Variants in ZNF385B observed in about 807,000 individuals in gnomAD.
The protein encoded by ZNF385B is zinc finger protein 533.
Under a neutral mutation model 39.2 loss-of-function variants are expected in ZNF385B, and 23 were observed. The ratio of observed to expected loss-of-function variants is 0.59; its 90% CI spans 0.42 to 0.83. The LOEUF is 0.83. ZNF385B is among the 40% of genes least tolerant of loss of function. ZNF385B has a pLI of 0.00. For missense variants in ZNF385B, 552 were observed against 598.9 expected (o/e 0.92, Z 0.82); for synonymous variants, 205 against 222.6 (o/e 0.92, Z 0.70).
At chr2:179,640,264 T>C (rs1692145612) in intron 3 of ZNF385B, among the ~76,000 whole-genome samples, 1 of 152,162 alleles carries the variant, frequency 6.6e-6, no homozygotes, top group Non-Finnish European at 1.5e-5. Context: ...GGCTATATAG[T>C]AGTACTCTAT....
intron 3 of ZNF385B, among the ~76,000 whole-genome samples, chr2:179,763,656 A>C (rs1703525827): frequency 1.3e-5 from 2 of 152,200 alleles, no homozygotes; most frequent in Admixed American, 6.5e-5. Context: ...CCAGCTCAGC[A>C]CTGCTTTAGC....
intron 1 of ZNF385B, among the ~76,000 whole-genome samples, chr2:179,832,674 A>C (rs555130744): frequency 1.3e-5 from 2 of 152,342 alleles, no homozygotes; most frequent in South Asian, 4.1e-4. Context: ...TCTTCAGGCT[A>C]ATGATTTAAA....
intron 5 of ZNF385B, among the ~76,000 whole-genome samples, chr2:179,494,656 A>G (rs554578845): frequency 6.8e-6 from 1 of 147,926 alleles, no homozygotes; most frequent in Non-Finnish European, 1.5e-5. Flanking sequence ...TTAAAAGTAT[A>G]AAAAAAAAAG....
chr2:179,534,028 C>T (rs1031513816), intron 4 of ZNF385B, among the ~76,000 whole-genome samples: 35 of 152,178 alleles, frequency 2.3e-4, no homozygotes, highest in Admixed American at 1.8e-3. Flanking sequence ...CCAATCCCTG[C>T]TCCAAATTCA....
intron 6 of ZNF385B, among the ~76,000 whole-genome samples, chr2:179,468,419 A>T (rs1393716569): frequency 2.6e-5 from 4 of 152,210 alleles, no homozygotes; most frequent in Non-Finnish European, 5.9e-5. Flanking sequence ...GATGTGAAAC[A>T]GTTATTTCTG....
intron 3 of ZNF385B, among the ~76,000 whole-genome samples, chr2:179,761,408 A>C (rs1703376695): frequency 6.6e-6 from 1 of 152,106 alleles, no homozygotes; most frequent in Non-Finnish European, 1.5e-5. Flanking sequence ...CCATTTATTT[A>C]GGTCTTCCAT....
At chr2:179,646,822 A>T (rs932030467) in intron 3 of ZNF385B, among the ~76,000 whole-genome samples, 7 of 152,208 alleles carry the variant, frequency 4.6e-5, no homozygotes, top group African/African-American at 1.4e-4. Context: ...AAATGGCAAG[A>T]GTGTCCTACT....
intron 3 of ZNF385B, among the ~76,000 whole-genome samples, chr2:179,739,563 T>C (rs368288703): frequency 1.4e-4 from 21 of 152,338 alleles, no homozygotes; most frequent in African/African-American, 4.3e-4. Context: ...AGTTTATTTT[T>C]ACTTCAGTTG....
intron 5 of ZNF385B, among the ~76,000 whole-genome samples, chr2:179,489,006 C>T (rs2054917869): frequency 6.6e-6 from 1 of 152,082 alleles, no homozygotes; most frequent in Middle Eastern, 3.4e-3. Flanking sequence ...AAGCAGAAGG[C>T]AGAATTATAA....
intron 5 of ZNF385B, among the ~76,000 whole-genome samples, chr2:179,505,426 C>A (rs2057167014): frequency 6.6e-6 from 1 of 152,024 alleles, no homozygotes; most frequent in Non-Finnish European, 1.5e-5. Flanking sequence ...GTGAATCTAG[C>A]CTTTTCCATT....
chr2:179,687,212 G>A (rs1406193834), intron 3 of ZNF385B, among the ~76,000 whole-genome samples: 1 of 150,752 alleles, frequency 6.6e-6, no homozygotes, highest in Non-Finnish European at 1.5e-5. Flanking sequence ...CACACAACTG[G>A]GAAACTCTCC....
chr2:179,570,450 C>T (rs55680850), intron 3 of ZNF385B, among the ~76,000 whole-genome samples: 21,580 of 152,102 alleles, frequency 0.14, 1,593 homozygotes, highest in Non-Finnish European at 0.16. Flanking sequence ...TTTGCTTTTA[C>T]CATTTAATAG....
intron 6 of ZNF385B, among the ~76,000 whole-genome samples, chr2:179,450,003 A>G (rs1387635800): frequency 6.6e-6 from 1 of 152,158 alleles, no homozygotes; most frequent in Non-Finnish European, 1.5e-5. Context: ...AAATGGGGAA[A>G]TGATTCCCTA....
At chr2:179,659,987 G>A (rs566541412) in intron 3 of ZNF385B, 11 of 152,604 alleles carry the variant, frequency 7.2e-5, no homozygotes, top group African/African-American at 2.7e-4. Flanking sequence ...TATGAAATCT[G>A]TATAACTCTG....
intron 1 of ZNF385B, among the ~76,000 whole-genome samples, chr2:179,772,169 A>G (rs1406654608): frequency 6.6e-6 from 1 of 152,202 alleles, no homozygotes; most frequent in Non-Finnish European, 1.5e-5. Flanking sequence ...CCTGGAAATT[A>G]TTCTACTTTT....
In ZNF385B at chr2:179,478,730, G is replaced by A. The variant is rs573540302; in HGVS notation, c.715+4542C>T. 5.9e-5 allele frequency among the ~76,000 whole-genome samples: 9 copies of A among 152,188 alleles called. No individual in the cohort carries two copies. In the East Asian group the frequency reaches 7.7e-4, roughly 13 times the overall value. ...TTAATTTTTTTAAAAAATCCAATGC[G>A]AAAGCCCAGACATATGGACTATTAG... On this transcript the variant is annotated intron_variant, in intron 6 of 9. Coordinates refer to ENST00000410066, the MANE Select transcript of ZNF385B (RefSeq NM_152520.6).
intron 3 of ZNF385B, among the ~76,000 whole-genome samples, chr2:179,706,075 G>A (rs1699573973): frequency 6.6e-6 from 1 of 152,168 alleles, no homozygotes; most frequent in Admixed American, 6.5e-5. Flanking sequence ...AAGAATGTGT[G>A]TTTGCAATTC....
chr2:179,576,211 C>T, intron 3 of ZNF385B: 1 of 983,676 alleles, frequency 1.0e-6, no homozygotes, highest in Non-Finnish European at 1.2e-6. Flanking sequence ...TGGACTCCTT[C>T]ACTCCAGTTT....
chr2:179,822,387 A>G (rs925461050), intron 1 of ZNF385B, among the ~76,000 whole-genome samples: 2 of 152,268 alleles, frequency 1.3e-5, no homozygotes, highest in African/African-American at 4.8e-5. Context: ...GTACTTTAAC[A>G]TTCAAAAATA....
Sources: allele counts gnomAD v4.1 joint callset (sites outside exome capture counted in the v4.1 genomes callset), GRCh38; gene constraint gnomAD v4.1.1; transcripts MANE v1.5; gene names NCBI Gene and HGNC (gene_info 2026-07-23, HGNC 2026-07-21).